ANXA10: variants seen among roughly 807,000 people sequenced by gnomAD.
ANXA10 encodes the protein annexin 14.
In ANXA10, 49 loss-of-function variants were observed where a neutral mutation model predicts 53.5. The ratio of observed to expected loss-of-function variants is 0.92; its 90% CI spans 0.73 to 1.16. The LOEUF (loss-of-function observed/expected upper bound fraction) is 1.16. Ranked by LOEUF, ANXA10 falls within the 50% of genes most tolerant of loss-of-function variation. The pLI is 0.00. For synonymous variants in ANXA10, 131 were observed against 128.9 expected, an observed-to-expected ratio of 1.02 and a Z score of -0.11; for missense variants, 393 against 394.4, an observed-to-expected ratio of 1.00 and a Z score of 0.03.
intron 6 of ANXA10, among the ~76,000 whole-genome samples, chr4:168,174,570 C>A (rs1356913889): frequency 2.6e-5 from 4 of 152,216 alleles, no homozygotes; most frequent in Non-Finnish European, 5.9e-5. Flanking sequence ...GTACCTCCTG[C>A]CACAAGCCCA....
At chr4:168,110,781 G>A (rs1006025104) in intron 1 of ANXA10, among the ~76,000 whole-genome samples, 12 of 151,712 alleles carry the variant, frequency 7.9e-5, no homozygotes. Context: ...ATTAAGGAAA[G>A]GAAGAAAGAA....
At chr4:168,107,695 C>T in intron 1 of ANXA10, among the ~76,000 whole-genome samples, 1 of 152,134 alleles carries the variant, frequency 6.6e-6, no homozygotes, top group East Asian at 1.9e-4. Flanking sequence ...TGCGGAGGGC[C>T]CTCTTCCTGG....
intron 2 of ANXA10, among the ~76,000 whole-genome samples, chr4:168,137,885 C>A (rs1731263257): frequency 1.3e-5 from 2 of 151,788 alleles, no homozygotes; most frequent in South Asian, 2.1e-4. Flanking sequence ...AAAGATCATA[C>A]TAATTTACAT....
At chr4:168,185,068 C>G (rs1194908441) in intron 11 of ANXA10, among the ~76,000 whole-genome samples, 8 of 151,998 alleles carry the variant, frequency 5.3e-5, no homozygotes, top group Admixed American at 1.3e-4. Flanking sequence ...GCAGGAGAAT[C>G]GCTTGAACCC....
At chr4:168,135,177 A>C (rs2149471218) in intron 2 of ANXA10, among the ~76,000 whole-genome samples, 1 of 152,348 alleles carries the variant, frequency 6.6e-6, no homozygotes, top group East Asian at 1.9e-4. Flanking sequence ...GTGAGATAGT[A>C]GGAAAGAACT....
intron 10 of ANXA10, among the ~76,000 whole-genome samples, chr4:168,182,369 T>C (rs1228779491): frequency 2.3e-5 from 3 of 127,724 alleles, no homozygotes; most frequent in Non-Finnish European, 3.2e-5. Flanking sequence ...CTTGCTCTGC[T>C]GCCCAGGCTG....
Position 168,187,425 on chromosome 4 carries a change from G to T in ANXA10, c.966G>T (p.Glu322Asp). 1 of 1,591,602 alleles carries T rather than the reference G, an allele frequency of 6.3e-7. No homozygotes were observed. The highest frequency in any genetic ancestry group is 1.2e-5 in the South Asian group (1 of 86,202). Residue 322 changes from glutamate to aspartate, a missense_variant, in exon 12 of 12, where the codon GAG (glutamate) becomes GAT (aspartate). Physicochemically the swap from Glu to Asp is conservative, Grantham distance 45. Coordinates refer to ENST00000359299, the MANE Select transcript of ANXA10 (RefSeq NM_007193.5). Reference sequence around the variant, plus strand: ...TTGCCATCTGTGCTGGTGATGCTGAGGACTACTAAAATGAAGAGGACTTGG... The same window carrying T: ...TTGCCATCTGTGCTGGTGATGCTGATGACTACTAAAATGAAGAGGACTTGG... ...ALLAICAGDA[E>D]DY is the part of the protein sequence containing the mutation.
intron 1 of ANXA10, chr4:168,127,817 C>CCTTTT (rs1553997928): frequency 9.4e-5 from 14 of 149,042 alleles, no homozygotes; most frequent in Non-Finnish European, 1.5e-4. Flanking sequence ...ATGTTGAAAC[C>CCTTTT]TTTTTTTTTT....
intron 1 of ANXA10, among the ~76,000 whole-genome samples, chr4:168,126,723 T>TA (rs1338553898): frequency 6.6e-6 from 1 of 152,180 alleles, no homozygotes; most frequent in Non-Finnish European, 1.5e-5. Flanking sequence ...ATAATAAGTA[T>TA]AATGATTGAA....
intron 1 of ANXA10, among the ~76,000 whole-genome samples, chr4:168,097,737 A>C (rs867537683): frequency 3.9e-5 from 6 of 152,134 alleles, no homozygotes; most frequent in African/African-American, 1.2e-4. Context: ...AGTAATAAAT[A>C]TCATTGTCAT....
chr4:168,102,239 G>A (rs1260599490), intron 1 of ANXA10, among the ~76,000 whole-genome samples: 1 of 151,832 alleles, frequency 6.6e-6, no homozygotes, highest in Non-Finnish European at 1.5e-5. Flanking sequence ...TTTTCTGTTG[G>A]GTTTTCCATA....
At chr4:168,143,953 G>A (rs1731366980) in intron 3 of ANXA10, among the ~76,000 whole-genome samples, 1 of 152,092 alleles carries the variant, frequency 6.6e-6, no homozygotes, top group Non-Finnish European at 1.5e-5. Context: ...CATCTTTCAA[G>A]GTTTTGCTTA....
At chr4:168,133,440 T>G (rs956925189) in intron 2 of ANXA10, among the ~76,000 whole-genome samples, 1 of 152,104 alleles carries the variant, frequency 6.6e-6, no homozygotes, top group Non-Finnish European at 1.5e-5. Flanking sequence ...TTCTTGAGAC[T>G]ATAACTGATA....
At chr4:168,118,229 C>T (rs1461788514) in intron 1 of ANXA10, among the ~76,000 whole-genome samples, 2 of 152,012 alleles carry the variant, frequency 1.3e-5, no homozygotes, top group Non-Finnish European at 2.9e-5. Context: ...GGGCCCTTGG[C>T]CTAATTAGCA....
At chr4:168,116,582 C>T (rs1188120173) in intron 1 of ANXA10, among the ~76,000 whole-genome samples, 2 of 151,754 alleles carry the variant, frequency 1.3e-5, no homozygotes, top group African/African-American at 4.8e-5. Flanking sequence ...CAAAAAATAA[C>T]TAGAAGTTTC....
intron 1 of ANXA10, among the ~76,000 whole-genome samples, chr4:168,111,826 C>G (rs184211756): frequency 6.6e-6 from 1 of 152,082 alleles, no homozygotes; most frequent in Non-Finnish European, 1.5e-5. Context: ...TATTTCAGTT[C>G]TTTTTAAATA....
intron 1 of ANXA10, among the ~76,000 whole-genome samples, chr4:168,097,480 C>G (rs748989603): frequency 6.6e-6 from 1 of 152,018 alleles, no homozygotes; most frequent in Non-Finnish European, 1.5e-5. Context: ...TATACAGACT[C>G]TTTTCTGAAT....
rs777237957 is a variant in ANXA10, at chr4:168,092,764, C to T, written c.18+46C>T. The T allele has an allele frequency of 6.2e-6, 9 of 1,459,984 alleles. No homozygotes were observed. In the South Asian group the frequency reaches 1.1e-4, roughly 18 times the overall value. The allele number at this position is 1,459,984 out of a possible 1,614,324, so 90.4% of individuals were successfully genotyped here. ...TGTAAAGCTTTTCACTCTTTTGAAACTTGATTTATAAAATTTCATTTGTGT... is the reference window on the plus strand; with the variant it reads ...TGTAAAGCTTTTCACTCTTTTGAAATTTGATTTATAAAATTTCATTTGTGT... On this transcript the variant is annotated intron_variant, in intron 1 of 11. Coordinates refer to ENST00000359299, the MANE Select transcript of ANXA10 (RefSeq NM_007193.5).
chr4:168,104,736 T>A (rs984259997), intron 1 of ANXA10, among the ~76,000 whole-genome samples: 6 of 151,972 alleles, frequency 3.9e-5, no homozygotes, highest in Non-Finnish European at 5.9e-5. Context: ...ATCTTAGTTT[T>A]TCTTTGTAAA....
Sources: allele counts gnomAD v4.1 joint callset (sites outside exome capture counted in the v4.1 genomes callset), GRCh38; gene constraint gnomAD v4.1.1; transcripts MANE v1.5; gene names NCBI Gene and HGNC (gene_info 2026-07-23, HGNC 2026-07-21).